Variants in LRRC4C observed in about 807,000 individuals in gnomAD.
The protein encoded by LRRC4C is leucine-rich repeat-containing protein 4C.
In LRRC4C, 5 loss-of-function variants were observed where a neutral mutation model predicts 33.6. The ratio of observed to expected loss-of-function variants is 0.15; its 90% CI spans 0.08 to 0.31. The LOEUF is 0.31. Among genes scored for constraint, LRRC4C ranks in the 10% least tolerant of loss-of-function variants. The pLI is 1.00. For synonymous variants in LRRC4C, 329 were observed against 302.0 expected (o/e 1.09, Z -0.93); for missense variants, 560 against 796.7 (o/e 0.70, Z 3.58).
chr11:40,845,704 G>C (rs1953126137), intron 2 of LRRC4C, among the ~76,000 whole-genome samples: 1 of 152,114 alleles, frequency 6.6e-6, no homozygotes, highest in African/African-American at 2.4e-5. Flanking sequence ...CCAGTAATGG[G>C]ATTGCTGGGT....
At chr11:41,446,749 T>C (rs1161666128) in intron 1 of LRRC4C, among the ~76,000 whole-genome samples, 1 of 152,222 alleles carries the variant, frequency 6.6e-6, no homozygotes, top group African/African-American at 2.4e-5. Flanking sequence ...TGCAAAAGAA[T>C]GCACATACCA....
At chr11:40,782,214 C>G (rs1433912361) in intron 2 of LRRC4C, among the ~76,000 whole-genome samples, 1 of 152,110 alleles carries the variant, frequency 6.6e-6, no homozygotes, top group Non-Finnish European at 1.5e-5. Flanking sequence ...TATATACTTT[C>G]AGATACCTTT....
At chr11:40,527,726 A>G (rs1454410475) in intron 3 of LRRC4C, among the ~76,000 whole-genome samples, 3 of 152,118 alleles carry the variant, frequency 2.0e-5, no homozygotes, top group African/African-American at 7.2e-5. Context: ...AGAGGTCTAC[A>G]GCACAAAGAG....
chr11:40,406,975 T>C (rs1394389168), intron 3 of LRRC4C, among the ~76,000 whole-genome samples: 1 of 152,138 alleles, frequency 6.6e-6, no homozygotes, highest in African/African-American at 2.4e-5. Flanking sequence ...TTGTGGATGA[T>C]GGATGTGGGC....
intron 2 of LRRC4C, among the ~76,000 whole-genome samples, chr11:40,762,182 T>C (rs1420174393): frequency 1.3e-5 from 2 of 152,164 alleles, no homozygotes; most frequent in Non-Finnish European, 1.5e-5. Flanking sequence ...TGATGTAGGC[T>C]AATGACGTGG....
intron 1 of LRRC4C, among the ~76,000 whole-genome samples, chr11:41,419,279 A>G (rs1004256833): frequency 6.6e-6 from 1 of 151,926 alleles, no homozygotes; most frequent in South Asian, 2.1e-4. Flanking sequence ...CCCATGATAT[A>G]GTCAATTTGT....
At chr11:41,309,839 T>A (rs1053629806) in intron 1 of LRRC4C, among the ~76,000 whole-genome samples, 1 of 152,232 alleles carries the variant, frequency 6.6e-6, no homozygotes, top group African/African-American at 2.4e-5. Flanking sequence ...CCTTACAGCC[T>A]TATCTTACAT....
chr11:40,214,199 G>C (rs962813276), intron 5 of LRRC4C, among the ~76,000 whole-genome samples: 4 of 152,084 alleles, frequency 2.6e-5, no homozygotes, highest in African/African-American at 9.7e-5. Context: ...CCTTATATAA[G>C]AGCATGTACT....
At chr11:40,237,632 C>T (rs920691749) in intron 5 of LRRC4C, among the ~76,000 whole-genome samples, 1 of 152,170 alleles carries the variant, frequency 6.6e-6, no homozygotes, top group African/African-American at 2.4e-5. Flanking sequence ...TTCATTCTAT[C>T]TTCCTCCATA....
intron 3 of LRRC4C, among the ~76,000 whole-genome samples, chr11:40,623,594 A>T (rs1962663106): frequency 6.6e-6 from 1 of 152,052 alleles, no homozygotes; most frequent in Admixed American, 6.6e-5. Flanking sequence ...AGCATAAAGG[A>T]TTTATTTCTG....
chr11:41,093,927 CAAAAAA>C (rs56173087), intron 1 of LRRC4C, among the ~76,000 whole-genome samples: 4 of 58,994 alleles, frequency 6.8e-5, no homozygotes, highest in Non-Finnish European at 1.2e-4. Context: ...CCGTCTCCAC[CAAAAAA>C]AAAAAAAAAA....
chr11:41,025,732 G>T (rs529121296), intron 1 of LRRC4C, among the ~76,000 whole-genome samples: 1 of 151,650 alleles, frequency 6.6e-6, no homozygotes, highest in African/African-American at 2.4e-5. Context: ...CAGACATTTC[G>T]TGTCAAGGAG....
intron 1 of LRRC4C, among the ~76,000 whole-genome samples, chr11:41,322,070 G>A (rs1486409008): frequency 6.6e-6 from 1 of 151,798 alleles, no homozygotes; most frequent in Non-Finnish European, 1.5e-5. Context: ...TTACCATGTT[G>A]GCCAGGCTGG....
chr11:40,629,443 C>CTAATTTTAAG (rs1196432474), intron 3 of LRRC4C, among the ~76,000 whole-genome samples: 1 of 152,044 alleles, frequency 6.6e-6, no homozygotes, highest in Admixed American at 6.6e-5. Context: ...TATATCTCAC[C>CTAATTTTAAG]CTTACTCTAC....
intron 3 of LRRC4C, among the ~76,000 whole-genome samples, chr11:40,416,591 GAATT>G (rs1287071402): frequency 1.3e-5 from 2 of 152,124 alleles, no homozygotes; most frequent in African/African-American, 4.8e-5. Flanking sequence ...GGAATACTCA[GAATT>G]AATTATTACA....
chr11:40,601,950 G>A (rs1019132905), intron 3 of LRRC4C, among the ~76,000 whole-genome samples: 3 of 151,912 alleles, frequency 2.0e-5, no homozygotes, highest in African/African-American at 7.2e-5. Context: ...CAGCACTTTG[G>A]AAGGCCAAGG....
At chr11:41,019,768 T>A (rs1253291547) in intron 1 of LRRC4C, among the ~76,000 whole-genome samples, 1 of 152,158 alleles carries the variant, frequency 6.6e-6, no homozygotes, top group African/African-American at 2.4e-5. Flanking sequence ...TCTCTGATAA[T>A]CAGTGATGCT....
chr11:40,136,615 A>T (rs1293562646), intron 6 of LRRC4C, among the ~76,000 whole-genome samples: 7 of 152,038 alleles, frequency 4.6e-5, no homozygotes, highest in Non-Finnish European at 7.4e-5. Flanking sequence ...CTTCAATCCC[A>T]AGGCTACCAA....
rs1046009921 is a variant in LRRC4C, at chr11:40,750,205, G to C, written c.-406-101927C>G. 3.9e-5 allele frequency among the ~76,000 whole-genome samples: 6 copies of C among 152,084 alleles called. No individual in the cohort carries two copies. In the South Asian group the frequency reaches 1.2e-3, roughly 32 times the overall value. On this transcript the variant is annotated intron_variant, in intron 2 of 6. Transcript: ENST00000528697. ...CCACTGCACCCCAATCTGGGTGACA[G>C]AGTGAGACCCTGTCTCAAAAACAAA... is the stretch of plus-strand genomic sequence containing the variant.
Sources: gnomAD v4.1 joint callset for allele counts (sites outside exome capture counted in the v4.1 genomes callset) on GRCh38, gnomAD v4.1.1 for gene constraint, MANE v1.5 for transcripts, NCBI Gene and HGNC (gene_info 2026-07-23, HGNC 2026-07-21) for gene names.